Variants in ENAH observed in about 807,000 individuals in gnomAD.
ENAH encodes ENAH actin regulator.
In ENAH, 23 loss-of-function variants were observed where a neutral mutation model predicts 78.7. The ratio of observed to expected loss-of-function variants is 0.29; its 90% CI spans 0.21 to 0.41. The LOEUF (loss-of-function observed/expected upper bound fraction) is 0.41, where lower values mean the gene tolerates loss of function less well. Ranked by LOEUF, ENAH falls within the 10% of genes least tolerant of loss-of-function variation. The pLI, the probability that ENAH is intolerant of heterozygous loss-of-function variation, is 1.00. For synonymous variants in ENAH, 226 were observed against 241.0 expected (o/e 0.94, Z 0.58); for missense variants, 544 against 691.0 (o/e 0.79, Z 2.39).
At chr1:225,604,448 T>TAGTA (rs920683414) in intron 1 of ENAH, among the ~76,000 whole-genome samples, 2 of 152,014 alleles carry the variant, frequency 1.3e-5, no homozygotes, top group African/African-American at 4.8e-5. Context: ...GGGAGACTAC[T>TAGTA]ATTGTGTGCC....
At position 225,646,870 on chromosome 1, in the gene ENAH, A is replaced by G. The variant is rs977434601; in HGVS notation, c.5+5816T>C. Among the ~76,000 whole-genome samples, 7 of 152,350 alleles carry G rather than the reference A, an allele frequency of 4.6e-5. No homozygotes were observed. In the South Asian group the frequency reaches 1.4e-3, roughly 32 times the overall value. On this transcript the variant is annotated intron_variant, in intron 1 of 13. Transcript: ENST00000366843. The stretch of plus-strand genomic sequence containing the variant: ...ATGGTATTTTGTTATGGCAGCCCAC[A>G]CTAATACTTCAAGAGTATCATACAC...
chr1:225,602,104 A>G (rs1205608594), intron 1 of ENAH, among the ~76,000 whole-genome samples: 1 of 152,104 alleles, frequency 6.6e-6, no homozygotes, highest in Non-Finnish European at 1.5e-5. Flanking sequence ...AGAAAAAGAC[A>G]AAGAAGATCC....
At chr1:225,507,294 T>C (rs778685430) in intron 11 of ENAH, among the ~76,000 whole-genome samples, 1 of 152,002 alleles carries the variant, frequency 6.6e-6, no homozygotes. Flanking sequence ...CTCTTTTCTC[T>C]CCAGCTGATA....
At chr1:225,548,314 G>A (rs951188651) in intron 3 of ENAH, among the ~76,000 whole-genome samples, 1 of 150,516 alleles carries the variant, frequency 6.6e-6, no homozygotes, top group African/African-American at 2.5e-5. Context: ...ATATTCTCAT[G>A]ACTCACATTT....
intron 10 of ENAH, chr1:225,508,310 C>A: frequency 5.2e-6 from 1 of 190,858 alleles, no homozygotes. Flanking sequence ...GTTTCTCTAA[C>A]AAAGAAAGGA....
rs1454067180 is a variant in ENAH, at chr1:225,497,370, C to G, written c.*405G>C. 1 of 156,836 alleles carries G rather than the reference C, an allele frequency of 6.4e-6. No homozygotes were observed. 9.7% of individuals were successfully genotyped at this position (156,836 alleles called of 1,614,324 possible). ...ATAGCAAACTTGCTCAATTCTTTAC[C>G]AGCACTCTCTGCAAAAAAACTTCCT... On this transcript the variant is annotated 3_prime_UTR_variant, in exon 14 of 14. Transcript: ENST00000366843.
chr1:225,539,861 T>C (rs2096581137), intron 3 of ENAH, among the ~76,000 whole-genome samples: 1 of 152,236 alleles, frequency 6.6e-6, no homozygotes, highest in South Asian at 2.1e-4. Flanking sequence ...CAACTAGAAC[T>C]TTCTGGCAGT....
chr1:225,578,397 C>T (rs2096798244), intron 1 of ENAH, among the ~76,000 whole-genome samples: 1 of 152,220 alleles, frequency 6.6e-6, no homozygotes, highest in East Asian at 1.9e-4. Flanking sequence ...ACCACTTCAG[C>T]CCAGGAGTGC....
chr1:225,535,671 T>A, intron 3 of ENAH: 1 of 472,052 alleles, frequency 2.1e-6, no homozygotes, highest in Non-Finnish European at 3.9e-6. Flanking sequence ...TATTTATACA[T>A]ACGTCCTATC....
intron 1 of ENAH, among the ~76,000 whole-genome samples, chr1:225,580,833 G>T (rs149475899): frequency 6.6e-6 from 1 of 150,450 alleles, no homozygotes; most frequent in Admixed American, 6.6e-5. Flanking sequence ...CTGGGAGGGT[G>T]GAAGTTGCAG....
chr1:225,556,889 T>TTGTTTCAATATGGC (rs2096669746), intron 2 of ENAH, among the ~76,000 whole-genome samples: 1 of 152,164 alleles, frequency 6.6e-6, no homozygotes, highest in Non-Finnish European at 1.5e-5. Flanking sequence ...AGTTTGCTAT[T>TTGTTTCAATATGGC]TGTTTCAATA....
chr1:225,616,858 G>T (rs921463567), intron 1 of ENAH, among the ~76,000 whole-genome samples: 6 of 152,176 alleles, frequency 3.9e-5, no homozygotes, highest in African/African-American at 1.4e-4. Context: ...CCAACACTTT[G>T]CGAGGCTGAG....
rs2096243033 is a variant in ENAH, at chr1:225,495,059, T to C, written c.*2716A>G. On this transcript the variant is annotated 3_prime_UTR_variant, in exon 14 of 14. Transcript: ENST00000366843. Reference sequence around the variant, plus strand: ...AATCATGATGACTATTCTGAAGAGATTTCAGCACCAGCACTAAGATTTGTA... The same window carrying C: ...AATCATGATGACTATTCTGAAGAGACTTCAGCACCAGCACTAAGATTTGTA... The C allele has an allele frequency of 6.6e-6, 1 of 152,660 alleles. No homozygotes were observed. The highest frequency in any genetic ancestry group is 6.5e-5 in the Admixed American group (1 of 15,280). The allele number at this position is 152,660 out of a possible 1,614,324, so 9.5% of individuals were successfully genotyped here.
intron 1 of ENAH, among the ~76,000 whole-genome samples, chr1:225,621,027 A>G (rs1391894102): frequency 6.6e-6 from 1 of 152,098 alleles, no homozygotes; most frequent in Non-Finnish European, 1.5e-5. Flanking sequence ...AAAAGTGTGG[A>G]GATAGTCCTT....
At chr1:225,565,657 A>G (rs572827224) in intron 2 of ENAH, among the ~76,000 whole-genome samples, 10 of 152,206 alleles carry the variant, frequency 6.6e-5, no homozygotes, top group African/African-American at 2.4e-4. Flanking sequence ...TTTCCCCATA[A>G]TAACATCTTG....
At chr1:225,499,131 T>A (rs559545277) in intron 12 of ENAH, among the ~76,000 whole-genome samples, 75 of 152,332 alleles carry the variant, frequency 4.9e-4, no homozygotes, top group Admixed American at 7.2e-4. Context: ...ATTGACTACA[T>A]ATTAAAACAT....
chr1:225,594,441 G>C (rs374961409), intron 1 of ENAH, among the ~76,000 whole-genome samples: 6 of 151,950 alleles, frequency 3.9e-5, no homozygotes, highest in African/African-American at 4.8e-5. Flanking sequence ...CTGCTCAATT[G>C]TATCTCCCAG....
intron 3 of ENAH, among the ~76,000 whole-genome samples, chr1:225,538,717 T>G (rs2096574714): frequency 1.3e-5 from 2 of 152,220 alleles, no homozygotes; most frequent in Admixed American, 6.5e-5. Context: ...GTTGATAACT[T>G]GCTGAAAAAT....
rs534678718 is a variant in ENAH at position 225,509,235 on chromosome 1, A to G, written c.1472-1218T>C. The stretch of plus-strand genomic sequence containing the variant: ...AAGTGACACCAGCCCAAGCAGGTGA[A>G]AAAAGGGAAGTCCTGAATGAAACTG... On this transcript the variant is annotated intron_variant, in intron 10 of 13. Coordinates refer to ENST00000366843, the MANE Select transcript of ENAH (RefSeq NM_018212.6). Among the ~76,000 whole-genome samples the G allele has an allele frequency of 3.3e-5, 5 of 152,306 alleles. No individual in the cohort carries two copies. The South Asian group carries it at 1.0e-3, about 32-fold the overall frequency.
Sources: gnomAD v4.1 joint callset for allele counts (sites outside exome capture counted in the v4.1 genomes callset) on GRCh38, gnomAD v4.1.1 for gene constraint, MANE v1.5 for transcripts, NCBI Gene and HGNC (gene_info 2026-07-23, HGNC 2026-07-21) for gene names.